LMTK2: variants seen among roughly 807,000 people sequenced by gnomAD.
LMTK2 encodes serine/threonine-protein kinase LMTK2.
LMTK2 carries 37 observed loss-of-function variants against 127.5 expected under a neutral mutation model. That is an observed-to-expected ratio of 0.29 (90% CI 0.22 to 0.38). The LOEUF (loss-of-function observed/expected upper bound fraction) is 0.38. Ranked by LOEUF, LMTK2 falls within the 10% of genes least tolerant of loss-of-function variation. The pLI is 1.00. For missense variants in LMTK2, 1,694 were observed against 1,920.3 expected, an observed-to-expected ratio of 0.88 and a Z score of 2.20; for synonymous variants, 819 against 810.1, an observed-to-expected ratio of 1.01 and a Z score of -0.19.
chr7:98,128,143 C>CTAAA (rs1467538898), intron 1 of LMTK2, among the ~76,000 whole-genome samples: 1 of 152,070 alleles, frequency 6.6e-6, no homozygotes, highest in South Asian at 2.1e-4. Flanking sequence ...GACTCCATCT[C>CTAAA]TAAATAAATA....
intron 1 of LMTK2, among the ~76,000 whole-genome samples, chr7:98,134,558 T>C (rs1345987523): frequency 6.6e-6 from 1 of 151,930 alleles, no homozygotes; most frequent in Non-Finnish European, 1.5e-5. Context: ...CTCATGCCTG[T>C]AATCCCAGCG....
At chr7:98,138,188 A>G (rs1051145175) in intron 2 of LMTK2, among the ~76,000 whole-genome samples, 3 of 152,160 alleles carry the variant, frequency 2.0e-5, no homozygotes, top group Non-Finnish European at 4.4e-5. Context: ...GAAGGAAGGA[A>G]TGTGGCGTGC....
chr7:98,180,896 C>T (rs765179819), intron 7 of LMTK2, among the ~76,000 whole-genome samples: 1 of 151,990 alleles, frequency 6.6e-6, no homozygotes, highest in Non-Finnish European at 1.5e-5. Context: ...CAGGTCGGGC[C>T]GGGCCCAGCT....
chr7:98,175,984 A>G (rs1338206528), intron 7 of LMTK2, among the ~76,000 whole-genome samples: 1 of 152,248 alleles, frequency 6.6e-6, no homozygotes, highest in African/African-American at 2.4e-5. Context: ...TGAATCCAAC[A>G]CAAGCTTAAT....
At chr7:98,183,798 A>G (rs914850138) in intron 7 of LMTK2, among the ~76,000 whole-genome samples, 1 of 151,942 alleles carries the variant, frequency 6.6e-6, no homozygotes, top group Non-Finnish European at 1.5e-5. Flanking sequence ...GCCTCCCAAG[A>G]TGCTGGGATT....
At chr7:98,161,110 G>A (rs1409994395) in intron 6 of LMTK2, among the ~76,000 whole-genome samples, 2 of 151,682 alleles carry the variant, frequency 1.3e-5, no homozygotes, top group African/African-American at 4.8e-5. Context: ...TACCTATTTG[G>A]TATTCTTTTT....
intron 1 of LMTK2, among the ~76,000 whole-genome samples, chr7:98,109,958 G>C (rs1048429730): frequency 4.6e-5 from 7 of 152,058 alleles, no homozygotes; most frequent in Admixed American, 4.6e-4. Context: ...ACCATGTATG[G>C]TAGATAAAAG....
intron 1 of LMTK2, among the ~76,000 whole-genome samples, chr7:98,109,258 A>G (rs759302512): frequency 6.6e-6 from 1 of 152,240 alleles, no homozygotes; most frequent in Non-Finnish European, 1.5e-5. Flanking sequence ...AGAACAAAGC[A>G]ATCAGAAAAG....
At chr7:98,198,741 G>A (rs973297943) in intron 11 of LMTK2, among the ~76,000 whole-genome samples, 2 of 152,028 alleles carry the variant, frequency 1.3e-5, no homozygotes, top group Non-Finnish European at 1.5e-5. Flanking sequence ...TTGGCTTCCC[G>A]AAGTGCTGGG....
chr7:98,145,186 G>T (rs1381882503), intron 3 of LMTK2, among the ~76,000 whole-genome samples: 3 of 151,410 alleles, frequency 2.0e-5, no homozygotes, highest in Non-Finnish European at 1.5e-5. Flanking sequence ...AAACTAGATT[G>T]TTATAAATTT....
intron 4 of LMTK2, among the ~76,000 whole-genome samples, chr7:98,151,698 G>A (rs113455931): frequency 1.3e-5 from 2 of 152,202 alleles, no homozygotes; most frequent in Non-Finnish European, 2.9e-5. Flanking sequence ...TCATAAACTG[G>A]GTGGCTTATA....
At position 98,193,303 on chromosome 7, in the gene LMTK2, T is replaced by C. The variant is rs1188970158; in HGVS notation, c.2838T>C (p.Ala946=). 6.2e-6 allele frequency: 10 copies of C among 1,613,894 alleles called. No homozygotes were observed. The African/African-American group carries it at 1.2e-4, about 19-fold the overall frequency. Residue 946 remains alanine, a synonymous_variant, in exon 11 of 14, where the codon GCT becomes GCC. Transcript: ENST00000297293. This position sits in a 1 kb window ranked among gnomAD's most constrained non-coding sequence, Gnocchi z 4.1. ...SHRRLEKNLE[A]VETLNQLNSK... ...GCCGGCTAGAGAAAAACTTAGAGGC[T>C]GTGGAGACTTTAAATCAGCTCAATT...
intron 1 of LMTK2, among the ~76,000 whole-genome samples, chr7:98,124,785 TA>T (rs141020575): frequency 6.7e-6 from 1 of 149,792 alleles, no homozygotes; most frequent in Non-Finnish European, 1.5e-5. Context: ...ACTGTGTCTC[TA>T]AAAAAAAAAT....
intron 3 of LMTK2, among the ~76,000 whole-genome samples, chr7:98,149,220 G>A (rs1489716981): frequency 6.6e-6 from 1 of 152,148 alleles, no homozygotes; most frequent in Non-Finnish European, 1.5e-5. Context: ...TGCTCCCCGT[G>A]GACCCTGGTA....
chr7:98,180,146 A>G (rs1001160506), intron 7 of LMTK2, among the ~76,000 whole-genome samples: 1 of 152,258 alleles, frequency 6.6e-6, no homozygotes, highest in Non-Finnish European at 1.5e-5. Flanking sequence ...TATTGAATCA[A>G]TGTTATGTAT....
Position 98,193,943 on chromosome 7 carries a change from C to G in LMTK2, c.3478C>G (p.Pro1160Ala), listed in dbSNP as rs746643029. The change falls in exon 11 of 14, where the codon CCA (proline) becomes GCA (alanine). Residue 1160 changes from proline to alanine, a missense_variant. Physicochemically the swap from Pro to Ala is conservative, Grantham distance 27 (BLOSUM62 -1). Coordinates refer to ENST00000297293, the MANE Select transcript of LMTK2 (RefSeq NM_014916.4). This position sits in a 1 kb window ranked among gnomAD's most constrained non-coding sequence, Gnocchi z 4.1. ...DSCLEARKSQ[P>A]DESCLSALHN... ...CTGCCTGGAAGCCAGAAAGAGCCAGCCAGATGAAAGTTGTCTGTCTGCTTT... is the reference window on the plus strand; with the variant it reads ...CTGCCTGGAAGCCAGAAAGAGCCAGGCAGATGAAAGTTGTCTGTCTGCTTT... 1 of 1,614,106 alleles carries G rather than the reference C, an allele frequency of 6.2e-7. No homozygotes were observed. The highest frequency in any genetic ancestry group is 8.5e-7 in the Non-Finnish European group (1 of 1,180,042).
Position 98,194,384 on chromosome 7 carries a change from A to T in LMTK2, c.3919A>T (p.Ser1307Cys). 1 of 1,614,172 alleles carries T rather than the reference A, an allele frequency of 6.2e-7. No individual in the cohort carries two copies. Among genetic ancestry groups the T allele is most frequent in the Non-Finnish European group, 8.5e-7 (1 of 1,180,016 alleles). ...DLRAFNLHSLSSESEDETEHP... is the reference protein window; with the variant it reads ...DLRAFNLHSLCSESEDETEHP... ...GCGGGCCTTCAACCTGCATAGCCTCAGCTCCGAGTCGGAGGACGAGACCGA... is the reference window on the plus strand; with the variant it reads ...GCGGGCCTTCAACCTGCATAGCCTCTGCTCCGAGTCGGAGGACGAGACCGA... The change falls in exon 11 of 14, where the codon AGC becomes TGC. Residue 1307 changes from serine (S) to cysteine (C), a missense_variant. Ser to Cys is a moderately radical substitution (Grantham distance 112). Around this residue, in one of 8 missense-constraint regions of LMTK2, gnomAD observed 554 missense variants for 567.7 expected, o/e 0.98. Transcript: ENST00000297293. This position sits in a 1 kb window ranked among gnomAD's most constrained non-coding sequence, Gnocchi z 5.4.
At chr7:98,175,968 A>G (rs1309428159) in intron 7 of LMTK2, among the ~76,000 whole-genome samples, 1 of 152,254 alleles carries the variant, frequency 6.6e-6, no homozygotes, top group African/African-American at 2.4e-5. Flanking sequence ...TCTATAACTC[A>G]TATCATGAAT....
chr7:98,121,354 C>T (rs1796358340), intron 1 of LMTK2, among the ~76,000 whole-genome samples: 1 of 152,032 alleles, frequency 6.6e-6, no homozygotes, highest in Non-Finnish European at 1.5e-5. Context: ...CCAAGCCTGG[C>T]GTGGTGGCTC....
Sources: allele counts gnomAD v4.1 joint callset (sites outside exome capture counted in the v4.1 genomes callset), GRCh38; gene constraint gnomAD v4.1.1; regional missense constraint gnomAD v4.1.1; non-coding constraint Gnocchi (gnomAD v3.1); transcripts MANE v1.5; gene names NCBI Gene and HGNC (gene_info 2026-07-23, HGNC 2026-07-21).